The following CIB3 variants were observed in gnomAD, a reference collection of about 807,000 sequenced individuals.
CIB3 encodes calcium and integrin-binding family member 3.
CIB3 carries 22 observed loss-of-function variants against 23.4 expected under a neutral mutation model. That is an observed-to-expected ratio of 0.94 (90% CI 0.67 to 1.34). The LOEUF (loss-of-function observed/expected upper bound fraction) is 1.34, where lower values mean the gene tolerates loss of function less well. CIB3 is among the 40% of genes most tolerant of loss of function. The pLI is 0.00. For missense variants in CIB3, 258 were observed against 247.3 expected (o/e 1.04, Z -0.29); for synonymous variants, 93 against 95.8 (o/e 0.97, Z 0.17).
chr19:16,170,541 C>G (rs1268395273), intron 2 of CIB3, among the ~76,000 whole-genome samples: 1 of 152,218 alleles, frequency 6.6e-6, no homozygotes, highest in Non-Finnish European at 1.5e-5. Flanking sequence ...GAGGAAGAGG[C>G]CGGATGCAGC....
chr19:16,161,621 G>A, intron 5 of CIB3, 135 bp from the exon 6 acceptor site: 1 of 823,718 alleles, frequency 1.2e-6, no homozygotes, highest in Admixed American at 2.1e-5. Flanking sequence ...AACAACCCTA[G>A]GCCGGGAGAC....
intron 3 of CIB3, among the ~76,000 whole-genome samples, 196 bp from the exon 4 acceptor site, chr19:16,168,480 A>G (rs973520544): frequency 2.6e-5 from 4 of 152,156 alleles, no homozygotes. Context: ...ACCTTGCCCC[A>G]ACTTCCAGCT....
chr19:16,169,549 C>T, intron 3 of CIB3, 81 bp downstream of exon 3: 1 of 1,247,544 alleles, frequency 8.0e-7, no homozygotes, highest in Non-Finnish European at 1.1e-6. Flanking sequence ...ATGGGGATAA[C>T]TGCAGCACTG....
intron 2 of CIB3, 77 bp downstream of exon 2, chr19:16,173,076 ACACACACAC>A: frequency 6.6e-7 from 1 of 1,514,718 alleles, no homozygotes; most frequent in Non-Finnish European, 9.2e-7. Context: ...ACACACACAC[ACACACACAC>A]CAAATTGCAA....
At chr19:16,173,382 A>G in intron 1 of CIB3, 43 bp downstream of exon 1, 1 of 1,598,686 alleles carries the variant, frequency 6.3e-7, no homozygotes, top group Non-Finnish European at 8.6e-7. Flanking sequence ...CCACGGAACC[A>G]AAGTTGTCAA....
At position 16,168,171 on chromosome 19, in the gene CIB3, G is replaced by A. The variant is rs58361837; in HGVS notation, c.312C>T (p.Arg104=). ...MFSVMSEMAP[R]DLKAYYAFKI... ...TAAAAGCATAGTAAGCCTTGAGGTC[G>A]CGGGGAGCCATTTCACTCATCACGG... Residue 104 remains arginine (R), a synonymous_variant, in exon 4 of 6, where the codon CGC becomes CGT. Coordinates refer to ENST00000269878, the MANE Select transcript of CIB3 (RefSeq NM_054113.4). 3,512 of 1,611,512 alleles carry A rather than the reference G, an allele frequency of 2.2e-3. 80 individuals are homozygous for A. In the African/African-American group the frequency reaches 0.039, roughly 18 times the overall value.
chr19:16,168,324 C>T, intron 3 of CIB3, 40 bp from the exon 4 acceptor site: 1 of 1,609,546 alleles, frequency 6.2e-7, no homozygotes, highest in Non-Finnish European at 8.5e-7. Flanking sequence ...TCCTCTGACC[C>T]CCAAGGTCTC....
intron 4 of CIB3, among the ~76,000 whole-genome samples, chr19:16,166,549 T>C (rs1454103752): frequency 6.6e-6 from 1 of 152,234 alleles, no homozygotes; most frequent in East Asian, 1.9e-4. Context: ...CCAGGCACTG[T>C]AATAACTTTT....
chr19:16,168,981 T>A (rs2091317034), intron 3 of CIB3, among the ~76,000 whole-genome samples: 1 of 152,220 alleles, frequency 6.6e-6, no homozygotes, highest in African/African-American at 2.4e-5. Flanking sequence ...ACAAACCATG[T>A]GTCAAACATC....
chr19:16,172,849 G>A (rs769502839), intron 2 of CIB3, among the ~76,000 whole-genome samples: 6 of 151,738 alleles, frequency 4.0e-5, no homozygotes, highest in Non-Finnish European at 8.8e-5. Flanking sequence ...CTACTCGAGA[G>A]GCTGAGGTGG....
At chr19:16,169,440 G>A (rs182316871) in intron 3 of CIB3, among the ~76,000 whole-genome samples, 190 bp downstream of exon 3, 160 of 152,260 alleles carry the variant, frequency 1.1e-3, no homozygotes, top group African/African-American at 3.8e-3. Context: ...CACCACACCA[G>A]CCAACTCTGG....
intron 5 of CIB3, among the ~76,000 whole-genome samples, chr19:16,164,119 C>T (rs890807875): frequency 6.6e-6 from 1 of 152,054 alleles, no homozygotes; most frequent in Non-Finnish European, 1.5e-5. Context: ...TACAGGCATG[C>T]ACCACCATAC....
chr19:16,169,301 G>A (rs577708334), intron 3 of CIB3, among the ~76,000 whole-genome samples: 3 of 151,214 alleles, frequency 2.0e-5, no homozygotes, highest in East Asian at 1.9e-4. Flanking sequence ...GCACTACCAC[G>A]CCCAGCTAAT....
chr19:16,172,675 C>T (rs2145087329), intron 2 of CIB3, among the ~76,000 whole-genome samples: 1 of 152,212 alleles, frequency 6.6e-6, no homozygotes. Flanking sequence ...ACCAGTTGGG[C>T]ATGGTGGCTC....
chr19:16,162,272 T>A (rs73005221), intron 5 of CIB3, among the ~76,000 whole-genome samples: 20 of 144,706 alleles, frequency 1.4e-4, no homozygotes, highest in East Asian at 6.2e-4. Context: ...AAAAAGTTTT[T>A]AGTTAGCTAG....
intron 4 of CIB3, among the ~76,000 whole-genome samples, chr19:16,167,602 C>T (rs1480554242): frequency 6.6e-6 from 1 of 151,964 alleles, no homozygotes; most frequent in Non-Finnish European, 1.5e-5. Flanking sequence ...GAGGCCGAGG[C>T]GGGCGGATCA....
chr19:16,168,195 G>A lies in CIB3; in HGVS notation c.288C>T (p.Ser96=), dbSNP rs768754359. The change falls in exon 4 of 6, where the codon TCC becomes TCT. Residue 96 remains serine, a synonymous_variant. Transcript: ENST00000269878. ...MTLDNFLDMF[S]VMSEMAPRDL... is the part of the protein sequence containing the mutation. ...CGCGGGGAGCCATTTCACTCATCACGGAAAACATGTCCAAAAAGTTGTCCA... is the reference window on the plus strand; with the variant it reads ...CGCGGGGAGCCATTTCACTCATCACAGAAAACATGTCCAAAAAGTTGTCCA... 39 of 1,612,884 alleles carry A rather than the reference G, an allele frequency of 2.4e-5. No homozygotes were observed. The Middle Eastern group carries it at 4.9e-4, about 20-fold the overall frequency.
intron 5 of CIB3, among the ~76,000 whole-genome samples, 187 bp from the exon 6 acceptor site, chr19:16,161,673 CT>C (rs55969649): frequency 1.9e-3 from 195 of 100,048 alleles, no homozygotes; most frequent in African/African-American, 4.5e-3. Flanking sequence ...TTTTTTAATT[CT>C]TTTTTTTTTT....
chr19:16,162,908 T>C (rs1415516704), intron 5 of CIB3, among the ~76,000 whole-genome samples: 1 of 92,276 alleles, frequency 1.1e-5, no homozygotes, highest in Admixed American at 1.2e-4. Context: ...TTTTTTTTTT[T>C]GAGACAGAGT....
Sources: gnomAD v4.1 joint callset for allele counts (sites outside exome capture counted in the v4.1 genomes callset) on GRCh38, gnomAD v4.1.1 for gene constraint, MANE v1.5 for transcripts, NCBI Gene and HGNC (gene_info 2026-07-23, HGNC 2026-07-21) for gene names.